Variants in TBC1D10B observed in about 807,000 individuals in gnomAD.
TBC1D10B encodes the protein Rab27A-GAPbeta.
TBC1D10B carries 25 observed loss-of-function variants against 78.4 expected under a neutral mutation model. The ratio of observed to expected loss-of-function variants is 0.32; its 90% CI spans 0.23 to 0.45. The LOEUF (loss-of-function observed/expected upper bound fraction) is 0.45, where lower values mean the gene tolerates loss of function less well. Ranked by LOEUF, TBC1D10B falls within the 20% of genes least tolerant of loss-of-function variation. The probability of loss-of-function intolerance (pLI) is 1.00; values close to 1 mark genes in which losing one functional copy is unlikely to be tolerated. For missense variants in TBC1D10B, 996 were observed against 1,104.8 expected (o/e 0.90, Z 1.40); for synonymous variants, 517 against 478.0 (o/e 1.08, Z -1.06).
In TBC1D10B at chr16:30,357,677, C is replaced by T. The variant is rs1398101571; in HGVS notation, c.*267G>A. The stretch of plus-strand genomic sequence containing the variant: ...TGACAACGGGCCATTCAGGACAGCA[C>T]CTAGGAGGGGACCCAGAGGGAACTG... On this transcript the variant is annotated 3_prime_UTR_variant, in exon 9 of 9. Transcript: ENST00000409939. The T allele has an allele frequency of 1.7e-6, 1 of 577,982 alleles. No individual in the cohort carries two copies. The highest frequency in any genetic ancestry group is 1.9e-5 in the African/African-American group (1 of 53,488). 35.8% of individuals were successfully genotyped at this position (577,982 alleles called of 1,614,324 possible). A position where few individuals can be genotyped will look rare whatever the true frequency, so the allele number is the denominator to read the frequency against.
chr16:30,368,698 GCA>G (rs1372764457), intron 1 of TBC1D10B, among the ~76,000 whole-genome samples: 1 of 152,128 alleles, frequency 6.6e-6, no homozygotes, highest in African/African-American at 2.4e-5. Context: ...GATCCTGACT[GCA>G]CAGTCTCCCT....
rs1335501411 is a variant in TBC1D10B, at chr16:30,357,105, G to T, written c.*839C>A. On this transcript the variant is annotated 3_prime_UTR_variant, in exon 9 of 9. Coordinates refer to ENST00000409939, the MANE Select transcript of TBC1D10B (RefSeq NM_015527.4). ...AATAACAAGGCAGAAAACAGGCCCA[G>T]GTACAACAGCAGGTTCTTTTCCAAT... 1 of 152,910 alleles carries T rather than the reference G, an allele frequency of 6.5e-6. No individual in the cohort carries two copies. The highest frequency in any genetic ancestry group is 1.9e-4 in the East Asian group (1 of 5,198). The allele number at this position is 152,910 out of a possible 1,614,324, so 9.5% of individuals were successfully genotyped here.
Position 30,358,193 on chromosome 16 carries a change from C to A in TBC1D10B, c.2178G>T (p.Lys726Asn), listed in dbSNP as rs571905839. Reference sequence around the variant, plus strand: ...GCTCCTTCTCCTGTTTCTGCCGCTCCTTCTCCTGCTTCCGGGTCTCCTTGC... The same window carrying A: ...GCTCCTTCTCCTGTTTCTGCCGCTCATTCTCCTGCTTCCGGGTCTCCTTGC... ...GSSKETRKQEKERQKQEKERQ... is the reference protein window; with the variant it reads ...GSSKETRKQENERQKQEKERQ... Residue 726 changes from lysine to asparagine, a missense_variant, in exon 9 of 9, where the codon AAG becomes AAT. Physicochemically the swap from Lys to Asn is moderately conservative, Grantham distance 94. Coordinates refer to ENST00000409939, the MANE Select transcript of TBC1D10B (RefSeq NM_015527.4). The A allele has an allele frequency of 3.9e-6, 6 of 1,552,628 alleles. No individual in the cohort carries two copies. The highest frequency in any genetic ancestry group is 1.4e-5 in the African/African-American group (1 of 73,214).
chr16:30,369,573 G>A lies in TBC1D10B; in HGVS notation c.611C>T (p.Ala204Val). Residue 204 changes from alanine to valine, a missense_variant, in exon 1 of 9, where the codon GCA becomes GTA. Transcript: ENST00000409939. This position sits in a 1 kb window ranked among gnomAD's most constrained non-coding sequence, Gnocchi z 4.3. ...GGHGAAAATS[A>V]SAGQAPEDPS... Reference sequence around the variant, plus strand: ...GTCCTCAGGAGCCTGTCCTGCTGATGCTGATGTTGCTGCGGCAGCTCCATG... The same window carrying A: ...GTCCTCAGGAGCCTGTCCTGCTGATACTGATGTTGCTGCGGCAGCTCCATG... The A allele has an allele frequency of 5.2e-6, 8 of 1,533,154 alleles. No homozygotes were observed. Among genetic ancestry groups the A allele is most frequent in the Non-Finnish European group, 6.2e-6 (7 of 1,136,852 alleles). 95.0% of individuals were successfully genotyped at this position (1,533,154 alleles called of 1,614,324 possible). A position where few individuals can be genotyped will look rare whatever the true frequency, so the allele number is the denominator to read the frequency against.
rs767088650 is a variant in TBC1D10B at position 30,357,957 on chromosome 16, T to C, written c.2414A>G (p.Asp805Gly). ...GDRPSAEARQ[D>G]AYF Reference sequence around the variant, plus strand: ...CCAGGGCAGAGGTCAGAAGTAAGCGTCCTGCCGGGCCTCGGCTGAGGGCCT... The same window carrying C: ...CCAGGGCAGAGGTCAGAAGTAAGCGCCCTGCCGGGCCTCGGCTGAGGGCCT... Residue 805 changes from aspartate to glycine, a missense_variant, in exon 9 of 9, where the codon GAC becomes GGC. Asp to Gly is a moderately conservative substitution (Grantham distance 94). Around this residue, in one of 5 missense-constraint regions of TBC1D10B, gnomAD observed 285 missense variants for 252.5 expected, o/e 1.13. Transcript: ENST00000409939. 14 of 1,550,864 alleles carry C rather than the reference T, an allele frequency of 9.0e-6. No homozygotes were observed. The highest frequency in any genetic ancestry group is 1.2e-5 in the Non-Finnish European group (14 of 1,146,664).
At chr16:30,360,100 C>A in intron 4 of TBC1D10B, 1 of 442,814 alleles carries the variant, frequency 2.3e-6, no homozygotes, top group Non-Finnish European at 4.1e-6. Context: ...CAGCCACATC[C>A]CAGAAACCTT....
Position 30,357,687 on chromosome 16 carries a change from G to T in TBC1D10B, c.*257C>A. The stretch of plus-strand genomic sequence containing the variant: ...CCATTCAGGACAGCACCTAGGAGGG[G>T]ACCCAGAGGGAACTGGGGCAGGAGC... On this transcript the variant is annotated 3_prime_UTR_variant, in exon 9 of 9. Transcript: ENST00000409939. 1.7e-6 allele frequency: 1 copy of T among 592,044 alleles called. No individual in the cohort carries two copies. Among genetic ancestry groups the T allele is most frequent in the Non-Finnish European group, 3.0e-6 (1 of 336,894 alleles). The allele number at this position is 592,044 out of a possible 1,614,324, so 36.7% of individuals were successfully genotyped here.
intron 4 of TBC1D10B, among the ~76,000 whole-genome samples, chr16:30,361,654 C>T (rs185418728): frequency 2.0e-5 from 3 of 152,192 alleles, no homozygotes; most frequent in Non-Finnish European, 4.4e-5. Flanking sequence ...ATCCGCCTGC[C>T]TCAGCCTCCC....
rs1198813682 is a variant in TBC1D10B at position 30,370,133 on chromosome 16, G to A, written c.51C>T (p.Ala17=). The A allele has an allele frequency of 2.7e-5, 32 of 1,207,196 alleles. No individual in the cohort carries two copies. The highest frequency in any genetic ancestry group is 3.2e-5 in the African/African-American group (2 of 63,266). 74.8% of individuals were successfully genotyped at this position (1,207,196 alleles called of 1,614,324 possible). A position where few individuals can be genotyped will look rare whatever the true frequency, so the allele number is the denominator to read the frequency against. ...GGGGCGGCGGCGAGGGGGCCGCGGG[G>A]GCGCCATGACGGCGCGGCGGGGCCA... is the stretch of plus-strand genomic sequence containing the variant. ...PLVAPPRRHG[A]PAAPSPPPRG... The change falls in exon 1 of 9, where the codon GCC becomes GCT. Residue 17 remains alanine, a synonymous_variant. Transcript: ENST00000409939.
Position 30,370,125 on chromosome 16 carries a change from G to T in TBC1D10B, c.59C>A (p.Ala20Asp), listed in dbSNP as rs1268940355. ...GGAACCCCGGGGCGGCGGCGAGGGG[G>T]CCGCGGGGGCGCCATGACGGCGCGG... ...APPRRHGAPA[A>D]PSPPPRGSRA... Residue 20 changes from alanine (A) to aspartate (D), a missense_variant, in exon 1 of 9, where the codon GCC becomes GAC. Physicochemically the swap from Ala to Asp is moderately radical, Grantham distance 126. Transcript: ENST00000409939. 3.3e-6 allele frequency: 4 copies of T among 1,210,606 alleles called. No individual in the cohort carries two copies. The highest frequency in any genetic ancestry group is 4.1e-6 in the Non-Finnish European group (4 of 974,458). The allele number at this position is 1,210,606 out of a possible 1,614,324, so 75.0% of individuals were successfully genotyped here. A position where few individuals can be genotyped will look rare whatever the true frequency, so the allele number is the denominator to read the frequency against.
chr16:30,359,290 G>A lies in TBC1D10B; in HGVS notation c.1524C>T (p.His508=), dbSNP rs1487506834. 6.2e-7 allele frequency: 1 copy of A among 1,606,642 alleles called. No homozygotes were observed. Among genetic ancestry groups the A allele is most frequent in the Non-Finnish European group, 8.5e-7 (1 of 1,176,646 alleles). The change falls in exon 7 of 9, where the codon CAC becomes CAT. Residue 508 remains histidine, a synonymous_variant. Transcript: ENST00000409939. ...LRRASPLAHR[H]LRRQRIDPVL... ...CAGGGTCAATGCGCTGCCGCCGCAG[G>A]TGGCGATGCGCCAGCGGGGAGGCCC... is the stretch of plus-strand genomic sequence containing the variant.
chr16:30,365,403 G>A lies in TBC1D10B; in HGVS notation c.1056+92C>T. ...CCATCTATCCCCAGTGTGGTCCAGA[G>A]GGCAGATATTATCGGCTTCCTGGGC... On this transcript the variant is annotated intron_variant, in intron 2 of 8. Coordinates refer to ENST00000409939, the MANE Select transcript of TBC1D10B (RefSeq NM_015527.4). The surrounding 1 kb of genome is among the most constrained non-coding windows in gnomAD (Gnocchi z 5.0). 6.8e-7 allele frequency: 1 copy of A among 1,472,622 alleles called. No individual in the cohort carries two copies. The highest frequency in any genetic ancestry group is 9.5e-7 in the Non-Finnish European group (1 of 1,052,168). 91.2% of individuals were successfully genotyped at this position (1,472,622 alleles called of 1,614,324 possible).
In TBC1D10B at chr16:30,369,835, C is replaced by T. The variant is rs1284559392; in HGVS notation, c.349G>A (p.Val117Met). The change falls in exon 1 of 9, where the codon GTG (valine) becomes ATG (methionine). Residue 117 changes from valine (V) to methionine (M), a missense_variant. Val to Met is a conservative substitution (Grantham distance 21). This residue lies in a region of TBC1D10B where 448 missense variants were observed against 442.1 expected (regional missense o/e 1.01). Transcript: ENST00000409939. The surrounding 1 kb of genome is among the most constrained non-coding windows in gnomAD (Gnocchi z 4.3). ...SGPESPEPAAVAGVETSRALA... is the reference protein window; with the variant it reads ...SGPESPEPAAMAGVETSRALA... ...GCCCTCGATGTCTCAACTCCAGCCA[C>T]TGCCGCGGGCTCTGGGGATTCCGGG... The T allele has an allele frequency of 7.1e-7, 1 of 1,410,460 alleles. No homozygotes were observed. The highest frequency in any genetic ancestry group is 1.6e-5 in the South Asian group (1 of 64,168). The allele number at this position is 1,410,460 out of a possible 1,614,324, so 87.4% of individuals were successfully genotyped here. A position where few individuals can be genotyped will look rare whatever the true frequency, so the allele number is the denominator to read the frequency against.
At chr16:30,364,758 A>G in intron 4 of TBC1D10B, 142 bp downstream of exon 4, 1 of 706,038 alleles carries the variant, frequency 1.4e-6, no homozygotes, top group East Asian at 2.7e-5. Flanking sequence ...ACATGGCTTG[A>G]CACTTAGTCC....
In TBC1D10B at chr16:30,369,565, CTGCTGA is replaced by C; in HGVS notation, c.613_618del (p.Ser205_Ala206del). On this transcript the variant is annotated inframe_deletion, in exon 1 of 9. Transcript: ENST00000409939. The surrounding 1 kb of genome is among the most constrained non-coding windows in gnomAD (Gnocchi z 4.3). ...CCTGAGGGGTCCTCAGGAGCCTGTCCTGCTGATGCTGATGTTGCTGCGGCAGCTCCA... is the reference window on the plus strand; with the variant it reads ...CCTGAGGGGTCCTCAGGAGCCTGTCCTGCTGATGTTGCTGCGGCAGCTCCA... 6.5e-7 allele frequency: 1 copy of C among 1,535,444 alleles called. No individual in the cohort carries two copies. The highest frequency in any genetic ancestry group is 1.2e-5 in the South Asian group (1 of 82,858).
At position 30,365,570 on chromosome 16, in the gene TBC1D10B, C is replaced by T. The variant is rs1567414021; in HGVS notation, c.981G>A (p.Val327=). The T allele has an allele frequency of 6.2e-7, 1 of 1,613,998 alleles. No homozygotes were observed. The highest frequency in any genetic ancestry group is 8.5e-7 in the Non-Finnish European group (1 of 1,179,902). Residue 327 remains valine (V), a synonymous_variant, in exon 2 of 9, where the codon GTG becomes GTA. Coordinates refer to ENST00000409939, the MANE Select transcript of TBC1D10B (RefSeq NM_015527.4). This position sits in a 1 kb window ranked among gnomAD's most constrained non-coding sequence, Gnocchi z 5.0. The part of the protein sequence containing the change: ...GSLESSIPVD[V]ARQRELKWLD... ...GCCATTTGAGCTCCCGCTGCCGAGC[C>T]ACGTCCACGGGAATGGAGCTCTCTC...
At position 30,369,456 on chromosome 16, in the gene TBC1D10B, G is replaced by C. The variant is rs1157754234; in HGVS notation, c.728C>G (p.Ser243Cys). 6.4e-7 allele frequency: 1 copy of C among 1,553,148 alleles called. No individual in the cohort carries two copies. The highest frequency in any genetic ancestry group is 2.4e-5 in the East Asian group (1 of 41,008). ...GCTGGACGTGGAGCCCAGGTCTTGA[G>C]AGTTTTCAGCAGGCTCCGGAGCTGG... ...VTPAPEPAEN[S>C]QDLGSTSSLG... The change falls in exon 1 of 9, where the codon TCT becomes TGT. Residue 243 changes from serine to cysteine, a missense_variant. Around this residue, in one of 5 missense-constraint regions of TBC1D10B, gnomAD observed 448 missense variants for 442.1 expected, o/e 1.01. Coordinates refer to ENST00000409939, the MANE Select transcript of TBC1D10B (RefSeq NM_015527.4). This position sits in a 1 kb window ranked among gnomAD's most constrained non-coding sequence, Gnocchi z 4.3.
intron 7 of TBC1D10B, 63 bp from the exon 8 acceptor site, chr16:30,358,880 C>T (rs2049579720): frequency 6.6e-7 from 1 of 1,522,142 alleles, no homozygotes; most frequent in East Asian, 2.4e-5. Context: ...CTGTCCTGAT[C>T]AGGATAGACT....
At chr16:30,360,106 A>T (rs973772894) in intron 4 of TBC1D10B, 12 of 417,252 alleles carry the variant, frequency 2.9e-5, no homozygotes, top group Non-Finnish European at 4.8e-5. Context: ...CATCCCAGAA[A>T]CCTTCCAGGT....
Sources: gnomAD v4.1 joint callset for allele counts (sites outside exome capture counted in the v4.1 genomes callset) on GRCh38, gnomAD v4.1.1 for gene constraint, gnomAD v4.1.1 regional missense constraint, Gnocchi (gnomAD v3.1) non-coding constraint, MANE v1.5 for transcripts, NCBI Gene and HGNC (gene_info 2026-07-23, HGNC 2026-07-21) for gene names.